The following TMEM203 variants were observed in gnomAD, a reference collection of about 807,000 sequenced individuals.
TMEM203 encodes the protein transmembrane protein 203.
Under a neutral mutation model 7.9 loss-of-function variants are expected in TMEM203, and 4 were observed. That is an observed-to-expected ratio of 0.51 (90% CI 0.25 to 1.16). The LOEUF is 1.16. Ranked by LOEUF, TMEM203 falls within the 50% of genes most tolerant of loss-of-function variation. The pLI, the probability that TMEM203 is intolerant of heterozygous loss-of-function variation, is 0.15. For missense variants in TMEM203, 127 were observed against 174.4 expected (o/e 0.73, Z 1.53); for synonymous variants, 92 against 82.5 (o/e 1.11, Z -0.62).
rs779700122 is a variant in TMEM203, at chr9:137,205,427, G to C, written c.-13C>G. The C allele has an allele frequency of 2.0e-6, 3 of 1,535,616 alleles. No homozygotes were observed. Among genetic ancestry groups the C allele is most frequent in the Non-Finnish European group, 2.6e-6 (3 of 1,136,718 alleles). On this transcript the variant is annotated 5_prime_UTR_variant, in exon 1 of 1. Coordinates refer to ENST00000343666, the MANE Select transcript of TMEM203 (RefSeq NM_053045.2). ...GCGAGAAGAGCATCGCGCCCGTTGA[G>C]CGCGGGCCGGGGCCCGGCCGAGCGT...
rs536079856 is a variant in TMEM203 at position 137,204,918 on chromosome 9, T to C, written c.*86A>G. 374 of 1,493,454 alleles carry C rather than the reference T, an allele frequency of 2.5e-4. 4 individuals are homozygous for C. The South Asian group carries it at 4.7e-3, about 19-fold the overall frequency. 92.5% of individuals were successfully genotyped at this position (1,493,454 alleles called of 1,614,324 possible). On this transcript the variant is annotated 3_prime_UTR_variant, in exon 1 of 1. Transcript: ENST00000343666. ...GGCGGTGCCTTCAGACTAGAGAGCC[T>C]CTCCTCCGGTGCGCTGCAAGTAGGG...
rs1834911154 is a variant in TMEM203, at chr9:137,205,598, C to G, written c.-184G>C. Reference sequence around the variant, plus strand: ...AATCCCCCGGCCCCGACCCGGGACTCAACCCTGGCCGCCCGTGAACGCCCG... The same window carrying G: ...AATCCCCCGGCCCCGACCCGGGACTGAACCCTGGCCGCCCGTGAACGCCCG... On this transcript the variant is annotated 5_prime_UTR_variant, in exon 1 of 1. Coordinates refer to ENST00000343666, the MANE Select transcript of TMEM203 (RefSeq NM_053045.2). The G allele has an allele frequency of 7.9e-7, 1 of 1,272,274 alleles. No homozygotes were observed. The highest frequency in any genetic ancestry group is 1.5e-5 in the African/African-American group (1 of 64,876). 78.8% of individuals were successfully genotyped at this position (1,272,274 alleles called of 1,614,324 possible).
Position 137,205,301 on chromosome 9 carries a change from A to G in TMEM203, c.114T>C (p.Asp38=). The G allele has an allele frequency of 1.2e-6, 2 of 1,611,296 alleles. No homozygotes were observed. Among genetic ancestry groups the G allele is most frequent in the South Asian group, 1.1e-5 (1 of 90,858 alleles). Residue 38 remains aspartate (D), a synonymous_variant, in exon 1 of 1, where the codon GAT becomes GAC. Transcript: ENST00000343666. ...ACCAGGAGAGGCCCGGGACCAGGCC[A>G]TCCACACGCAGTGCCAGCAGCACAG... ...VFSVLLALRV[D]GLVPGLSWWN...
Position 137,204,912 on chromosome 9 carries a change from A to G in TMEM203, c.*92T>C. On this transcript the variant is annotated 3_prime_UTR_variant, in exon 1 of 1. Coordinates refer to ENST00000343666, the MANE Select transcript of TMEM203 (RefSeq NM_053045.2). ...CAAGCCGGCGGTGCCTTCAGACTAG[A>G]GAGCCTCTCCTCCGGTGCGCTGCAA... 6.8e-7 allele frequency: 1 copy of G among 1,478,758 alleles called. No homozygotes were observed. The highest frequency in any genetic ancestry group is 9.0e-7 in the Non-Finnish European group (1 of 1,110,554). 91.6% of individuals were successfully genotyped at this position (1,478,758 alleles called of 1,614,324 possible). A position where few individuals can be genotyped will look rare whatever the true frequency, so the allele number is the denominator to read the frequency against.
chr9:137,204,915 G>C lies in TMEM203; in HGVS notation c.*89C>G. On this transcript the variant is annotated 3_prime_UTR_variant, in exon 1 of 1. Coordinates refer to ENST00000343666, the MANE Select transcript of TMEM203 (RefSeq NM_053045.2). ...GCCGGCGGTGCCTTCAGACTAGAGA[G>C]CCTCTCCTCCGGTGCGCTGCAAGTA... 4.7e-6 allele frequency: 7 copies of C among 1,484,260 alleles called. No individual in the cohort carries two copies. The highest frequency in any genetic ancestry group is 6.3e-6 in the Non-Finnish European group (7 of 1,113,350). 91.9% of individuals were successfully genotyped at this position (1,484,260 alleles called of 1,614,324 possible). A position where few individuals can be genotyped will look rare whatever the true frequency, so the allele number is the denominator to read the frequency against.
Position 137,205,479 on chromosome 9 carries a change from C to T in TMEM203, c.-65G>A, listed in dbSNP as rs1271668087. The T allele has an allele frequency of 2.9e-6, 4 of 1,372,764 alleles. No homozygotes were observed. The highest frequency in any genetic ancestry group is 1.5e-5 in the African/African-American group (1 of 65,150). The allele number at this position is 1,372,764 out of a possible 1,614,324, so 85.0% of individuals were successfully genotyped here. ...CCACCCGCGGGGCTGCGTCTCCTCT[C>T]CCCGTGGCCCTCGCCCGCGCCTGCC... On this transcript the variant is annotated 5_prime_UTR_variant, in exon 1 of 1. Transcript: ENST00000343666.
chr9:137,205,642 C>G lies in TMEM203; in HGVS notation c.-228G>C. On this transcript the variant is annotated 5_prime_UTR_variant, in exon 1 of 1. Coordinates refer to ENST00000343666, the MANE Select transcript of TMEM203 (RefSeq NM_053045.2). ...ACGCCCGCCTCGATCGGACGCCATG[C>G]CCCCACAGGGCGCGTCCCTAGTGCG... The G allele has an allele frequency of 7.0e-7, 1 of 1,437,270 alleles. No individual in the cohort carries two copies. The highest frequency in any genetic ancestry group is 1.8e-5 in the Admixed American group (1 of 55,250). 89.0% of individuals were successfully genotyped at this position (1,437,270 alleles called of 1,614,324 possible).
rs1333664300 is a variant in TMEM203 at position 137,205,520 on chromosome 9, G to C, written c.-106C>G. On this transcript the variant is annotated 5_prime_UTR_variant, in exon 1 of 1. Transcript: ENST00000343666. ...CGCGCCTGCCGCCGCTGCTGCGAGC[G>C]AGAGGCAGCGAGCGGCCCCGCCAGC... is the stretch of plus-strand genomic sequence containing the variant. 8.0e-7 allele frequency: 1 copy of C among 1,247,282 alleles called. No homozygotes were observed. The allele number at this position is 1,247,282 out of a possible 1,614,324, so 77.3% of individuals were successfully genotyped here.
At position 137,204,892 on chromosome 9, in the gene TMEM203, C is replaced by G. The variant is rs567434155; in HGVS notation, c.*112G>C. On this transcript the variant is annotated 3_prime_UTR_variant, in exon 1 of 1. Coordinates refer to ENST00000343666, the MANE Select transcript of TMEM203 (RefSeq NM_053045.2). ...ACCCGGCACTCAGCTCGGCGCAAGC[C>G]GGCGGTGCCTTCAGACTAGAGAGCC... 2.4e-5 allele frequency: 34 copies of G among 1,403,510 alleles called. No homozygotes were observed. In the South Asian group the frequency reaches 4.7e-4, roughly 19 times the overall value. The allele number at this position is 1,403,510 out of a possible 1,614,324, so 86.9% of individuals were successfully genotyped here.
Position 137,205,589 on chromosome 9 carries a change from C to G in TMEM203, c.-175G>C, listed in dbSNP as rs765049873. The stretch of plus-strand genomic sequence containing the variant: ...TGCGCCGGCAATCCCCCGGCCCCGA[C>G]CCGGGACTCAACCCTGGCCGCCCGT... On this transcript the variant is annotated 5_prime_UTR_variant, in exon 1 of 1. Transcript: ENST00000343666. 711 of 1,233,400 alleles carry G rather than the reference C, an allele frequency of 5.8e-4. 3 individuals carry two copies. Among genetic ancestry groups the G allele is most frequent in the Non-Finnish European group, 2.7e-4 (245 of 916,650 alleles). 76.4% of individuals were successfully genotyped at this position (1,233,400 alleles called of 1,614,324 possible). A position where few individuals can be genotyped will look rare whatever the true frequency, so the allele number is the denominator to read the frequency against.
In TMEM203 at chr9:137,204,880, C is replaced by T. The variant is rs1046328370; in HGVS notation, c.*124G>A. 2.2e-6 allele frequency: 3 copies of T among 1,338,240 alleles called. No homozygotes were observed. In the Admixed American group the frequency reaches 8.4e-5, roughly 37 times the overall value. The allele number at this position is 1,338,240 out of a possible 1,614,324, so 82.9% of individuals were successfully genotyped here. A position where few individuals can be genotyped will look rare whatever the true frequency, so the allele number is the denominator to read the frequency against. ...TGGAATAGGGAAACCCGGCACTCAG[C>T]TCGGCGCAAGCCGGCGGTGCCTTCA... On this transcript the variant is annotated 3_prime_UTR_variant, in exon 1 of 1. Transcript: ENST00000343666.
rs934108062 is a variant in TMEM203, at chr9:137,205,639, A to G, written c.-225T>C. ...TGAACGCCCGCCTCGATCGGACGCCATGCCCCCACAGGGCGCGTCCCTAGT... is the reference window on the plus strand; with the variant it reads ...TGAACGCCCGCCTCGATCGGACGCCGTGCCCCCACAGGGCGCGTCCCTAGT... On this transcript the variant is annotated 5_prime_UTR_variant, in exon 1 of 1. It removes an upstream start codon present in the reference 5' UTR. Coordinates refer to ENST00000343666, the MANE Select transcript of TMEM203 (RefSeq NM_053045.2). 4.9e-5 allele frequency: 70 copies of G among 1,427,236 alleles called. No individual in the cohort carries two copies. The highest frequency in any genetic ancestry group is 1.5e-4 in the Admixed American group (8 of 54,414). 88.4% of individuals were successfully genotyped at this position (1,427,236 alleles called of 1,614,324 possible).
At position 137,205,373 on chromosome 9, in the gene TMEM203, G is replaced by A. The variant is rs1834904172; in HGVS notation, c.42C>T (p.Phe14=). The change falls in exon 1 of 1, where the codon TTC becomes TTT. Residue 14 remains phenylalanine, a synonymous_variant. Transcript: ENST00000343666. The part of the protein sequence containing the change: ...SLRELVQWLG[F]ATFEIFVHLL... ...GGTGCACGAAGATCTCGAAGGTGGC[G>A]AAGCCTAGCCACTGCACCAGCTCCC... 1.7e-5 allele frequency: 28 copies of A among 1,601,628 alleles called. No individual in the cohort carries two copies. The highest frequency in any genetic ancestry group is 2.2e-5 in the Non-Finnish European group (26 of 1,175,070).
chr9:137,205,045 G>C lies in TMEM203; in HGVS notation c.370C>G (p.Leu124Val). Reference sequence around the variant, plus strand: ...GCGCGGATCATGAGCAGCTGCAGGAGAATGAAGAGCGGGGACGTAATGAGG... The same window carrying C: ...GCGCGGATCATGAGCAGCTGCAGGACAATGAAGAGCGGGGACGTAATGAGG... ...FGLITSPLFI[L>V]LQLLMIRACR... The change falls in exon 1 of 1, where the codon CTC becomes GTC. Residue 124 changes from leucine to valine, a missense_variant. By Grantham distance (32) the Leu-to-Val change is conservative (BLOSUM62 1). Transcript: ENST00000343666. The C allele has an allele frequency of 6.2e-7, 1 of 1,612,384 alleles. No homozygotes were observed. The highest frequency in any genetic ancestry group is 2.2e-5 in the East Asian group (1 of 44,860).
rs1834870682 is a variant in TMEM203, at chr9:137,204,170, C to G, written c.*834G>C. 6.6e-6 allele frequency: 1 copy of G among 152,206 alleles called. No homozygotes were observed. The highest frequency in any genetic ancestry group is 1.5e-5 in the Non-Finnish European group (1 of 68,044). The allele number at this position is 152,206 out of a possible 1,614,324, so 9.4% of individuals were successfully genotyped here. On this transcript the variant is annotated 3_prime_UTR_variant, in exon 1 of 1. Transcript: ENST00000343666. ...TGGCATCAAACCAAAGTTCGTAGGC[C>G]AACAAAGATGGGCCACTCACAAGCT...
Position 137,204,841 on chromosome 9 carries a change from A to G in TMEM203, c.*163T>C. The G allele has an allele frequency of 1.1e-6, 1 of 921,004 alleles. No individual in the cohort carries two copies. Among genetic ancestry groups the G allele is most frequent in the Admixed American group, 2.9e-5 (1 of 34,184 alleles). 57.1% of individuals were successfully genotyped at this position (921,004 alleles called of 1,614,324 possible). On this transcript the variant is annotated 3_prime_UTR_variant, in exon 1 of 1. Transcript: ENST00000343666. Reference sequence around the variant, plus strand: ...TCTTTTAAGCCCTGCTGAAGAAACCATTTCAAACAGGATTGGAATAGGGAA... The same window carrying G: ...TCTTTTAAGCCCTGCTGAAGAAACCGTTTCAAACAGGATTGGAATAGGGAA...
At position 137,204,747 on chromosome 9, in the gene TMEM203, G is replaced by T. The variant is rs190246921; in HGVS notation, c.*257C>A. The T allele has an allele frequency of 6.0e-6, 3 of 500,990 alleles. No homozygotes were observed. The East Asian group carries it at 1.0e-4, about 17-fold the overall frequency. The allele number at this position is 500,990 out of a possible 1,614,324, so 31.0% of individuals were successfully genotyped here. Reference sequence around the variant, plus strand: ...TGTCTGGCCTGGGGGGCCTCCTCATGACCTCAATTCAGGATTATCTACTCA... The same window carrying T: ...TGTCTGGCCTGGGGGGCCTCCTCATTACCTCAATTCAGGATTATCTACTCA... On this transcript the variant is annotated 3_prime_UTR_variant, in exon 1 of 1. Coordinates refer to ENST00000343666, the MANE Select transcript of TMEM203 (RefSeq NM_053045.2).
rs1370832573 is a variant in TMEM203 at position 137,204,990 on chromosome 9, G to A, written c.*14C>T. 2.5e-6 allele frequency: 4 copies of A among 1,595,566 alleles called. No homozygotes were observed. Among genetic ancestry groups the A allele is most frequent in the African/African-American group, 1.3e-5 (1 of 74,482 alleles). ...CTAGTTGTCCAGCGCTCCCTCTCCG[G>A]CACCTCGGTGAGGCTAGTTGACCCG... On this transcript the variant is annotated 3_prime_UTR_variant, in exon 1 of 1. Coordinates refer to ENST00000343666, the MANE Select transcript of TMEM203 (RefSeq NM_053045.2).
Position 137,205,154 on chromosome 9 carries a change from T to C in TMEM203, c.261A>G (p.Val87=). The change falls in exon 1 of 1, where the codon GTA becomes GTG. Residue 87 remains valine (V), a synonymous_variant. Transcript: ENST00000343666. ...CGAACTTGAGACTCAGGACCGTAAG[T>C]ACCCAGAAAAGGCGGAGCACCGCCA... ...KRLAVLRLFW[V]LTVLSLKFVF... 1.9e-6 allele frequency: 3 copies of C among 1,612,790 alleles called. No homozygotes were observed. The highest frequency in any genetic ancestry group is 2.5e-6 in the Non-Finnish European group (3 of 1,179,966).
Sources: allele counts gnomAD v4.1 joint callset, GRCh38; gene constraint gnomAD v4.1.1; transcripts MANE v1.5; gene names NCBI Gene and HGNC (gene_info 2026-07-23, HGNC 2026-07-21).